OARD1: variants seen among roughly 807,000 people sequenced by gnomAD.
OARD1 encodes the protein O-acyl-ADP-ribose deacylase 1.
OARD1 carries 19 observed loss-of-function variants against 19.7 expected under a neutral mutation model. The ratio of observed to expected loss-of-function variants is 0.96; its 90% CI spans 0.67 to 1.41. The LOEUF (loss-of-function observed/expected upper bound fraction) is 1.41. Ranked by LOEUF, OARD1 falls within the 40% of genes most tolerant of loss-of-function variation. The probability of loss-of-function intolerance (pLI) is 0.00; values close to 1 mark genes in which losing one functional copy is unlikely to be tolerated. For missense variants in OARD1, 190 were observed against 183.8 expected, an observed-to-expected ratio of 1.03 and a Z score of -0.20; for synonymous variants, 70 against 61.8, an observed-to-expected ratio of 1.13 and a Z score of -0.62.
intron 1 of OARD1, chr6:41,097,396 A>C: frequency 1.2e-6 from 2 of 1,614,082 alleles, no homozygotes; most frequent in Admixed American, 1.7e-5. Flanking sequence ...GACACAGATC[A>C]TCCGAGTGTC....
At chr6:41,091,065 C>CA (rs1423942037) in intron 1 of OARD1, among the ~76,000 whole-genome samples, 1 of 152,214 alleles carries the variant, frequency 6.6e-6, no homozygotes, top group Non-Finnish European at 1.5e-5. Context: ...AACAAATCCT[C>CA]AAGTGCTGCT....
At chr6:41,076,970 T>C (rs1763749105), upstream of OARD1, among the ~76,000 whole-genome samples, 1 of 152,234 alleles carries the variant, frequency 6.6e-6, no homozygotes, top group Admixed American at 6.5e-5. Context: ...CTTCAAATCT[T>C]GATACTCTTC....
chr6:41,081,000 T>C, intron 1 of OARD1: 3 of 826,130 alleles, frequency 3.6e-6, no homozygotes, highest in Non-Finnish European at 4.0e-6. Context: ...GCAAAGTCAG[T>C]TGCATGTCTT....
intron 1 of OARD1, chr6:41,097,507 C>A: frequency 7.8e-7 from 1 of 1,281,840 alleles, no homozygotes; most frequent in Non-Finnish European, 1.1e-6. Flanking sequence ...TCACATTCTG[C>A]CCTTTACTAC....
At chr6:41,078,503 TG>T (rs1452984811) in intron 1 of OARD1, among the ~76,000 whole-genome samples, 1 of 152,226 alleles carries the variant, frequency 6.6e-6, no homozygotes, top group East Asian at 1.9e-4. Context: ...AATTTTTTAA[TG>T]AAGTCTTTAT....
rs1368478652 is a variant in OARD1, at chr6:41,066,832, A to G, written c.*503T>C. On this transcript the variant is annotated 3_prime_UTR_variant, in exon 6 of 6. Coordinates refer to ENST00000424266, the MANE Select transcript of OARD1 (RefSeq NM_001329686.2). ...TTATTTTTCCATTTTTATCACCACA[A>G]ATTTCTTGGTAACAATGTAGAATTT... 6.6e-6 allele frequency: 1 copy of G among 152,346 alleles called. No individual in the cohort carries two copies. The highest frequency in any genetic ancestry group is 1.5e-5 in the Non-Finnish European group (1 of 68,094). 9.4% of individuals were successfully genotyped at this position (152,346 alleles called of 1,614,324 possible).
At chr6:41,095,498 T>C (rs1387928668) in intron 1 of OARD1, among the ~76,000 whole-genome samples, 1 of 152,190 alleles carries the variant, frequency 6.6e-6, no homozygotes, top group Non-Finnish European at 1.5e-5. Context: ...GTGGTGTGAT[T>C]ATGGCTCACT....
intron 1 of OARD1, chr6:41,071,882 T>C (rs1763432785): frequency 6.0e-6 from 3 of 500,668 alleles, no homozygotes; most frequent in Non-Finnish European, 1.1e-5. Context: ...CCCGCTCTCA[T>C]TTCGTGCTTT....
At chr6:41,090,692 A>C (rs576675608) in intron 1 of OARD1, among the ~76,000 whole-genome samples, 2 of 152,354 alleles carry the variant, frequency 1.3e-5, no homozygotes, top group Admixed American at 1.3e-4. Flanking sequence ...TTAAATGACT[A>C]TTATGTATAC....
intron 1 of OARD1, chr6:41,097,505 T>C: frequency 7.6e-7 from 1 of 1,315,858 alleles, no homozygotes; most frequent in Non-Finnish European, 1.1e-6. Context: ...GATCACATTC[T>C]GCCCTTTACT....
chr6:41,078,666 A>C lies in OARD1; in HGVS notation c.-41-6991T>G, dbSNP rs186661896. 3.9e-3 allele frequency among the ~76,000 whole-genome samples: 590 copies of C among 152,340 alleles called. 11 individuals are homozygous for C. In the South Asian group the frequency reaches 0.061, roughly 16 times the overall value. On this transcript the variant is annotated intron_variant, in intron 1 of 4. Transcript: ENST00000480585. ...GTTTGGTGGGAAGCAATTACGTGTTACAACTTAAAGAAGCTTTATTCTCTA... is the reference window on the plus strand; with the variant it reads ...GTTTGGTGGGAAGCAATTACGTGTTCCAACTTAAAGAAGCTTTATTCTCTA...
chr6:41,091,012 C>G (rs971089645), intron 1 of OARD1, among the ~76,000 whole-genome samples: 1 of 152,208 alleles, frequency 6.6e-6, no homozygotes. Flanking sequence ...CAGGGAGGCC[C>G]TGAACTGGAT....
rs1347198893 is a variant in OARD1 at position 41,071,425 on chromosome 6, AAAAGG to A, written c.40-154_40-150del. On this transcript the variant is annotated intron_variant, in intron 2 of 5. Coordinates refer to ENST00000424266, the MANE Select transcript of OARD1 (RefSeq NM_001329686.2). ...AAGCCAAACCAATTACAGCATGTGT[AAAAGG>A]AAAGTAATGGATGATCCCTGCCTAG... 15 of 989,768 alleles carry A rather than the reference AAAAGG, an allele frequency of 1.5e-5. No individual in the cohort carries two copies. In the African/African-American group the frequency reaches 2.3e-4, roughly 15 times the overall value. The allele number at this position is 989,768 out of a possible 1,614,324, so 61.3% of individuals were successfully genotyped here.
chr6:41,071,694 A>T lies in OARD1; in HGVS notation c.-41-19T>A. On this transcript the variant is annotated intron_variant, in intron 1 of 5. Coordinates refer to ENST00000424266, the MANE Select transcript of OARD1 (RefSeq NM_001329686.2). ...TCTTCAGCTATGAGAAGGGAAAAGGAAGTAAAAATGCTTAGGCAGCCTTAG... is the reference window on the plus strand; with the variant it reads ...TCTTCAGCTATGAGAAGGGAAAAGGTAGTAAAAATGCTTAGGCAGCCTTAG... 1 of 1,435,772 alleles carries T rather than the reference A, an allele frequency of 7.0e-7. No homozygotes were observed. Among genetic ancestry groups the T allele is most frequent in the East Asian group, 2.3e-5 (1 of 44,052 alleles). 88.9% of individuals were successfully genotyped at this position (1,435,772 alleles called of 1,614,324 possible).
chr6:41,065,331 T>A lies in OARD1; in HGVS notation c.*2004A>T, dbSNP rs1373926286. On this transcript the variant is annotated 3_prime_UTR_variant, in exon 6 of 6. Coordinates refer to ENST00000424266, the MANE Select transcript of OARD1 (RefSeq NM_001329686.2). Reference sequence around the variant, plus strand: ...AATTTACAATGGTTTGTCTTGCAATTTTTGGACTTTACAACGGTGCAAAAG... The same window carrying A: ...AATTTACAATGGTTTGTCTTGCAATATTTGGACTTTACAACGGTGCAAAAG... The A allele has an allele frequency of 6.6e-6, 1 of 152,222 alleles. No individual in the cohort carries two copies. Among genetic ancestry groups the A allele is most frequent in the Non-Finnish European group, 1.5e-5 (1 of 68,046 alleles). 9.4% of individuals were successfully genotyped at this position (152,222 alleles called of 1,614,324 possible).
intron 1 of OARD1, among the ~76,000 whole-genome samples, chr6:41,088,269 A>G (rs1210904641): frequency 6.6e-6 from 1 of 151,646 alleles, no homozygotes; most frequent in African/African-American, 2.4e-5. Flanking sequence ...AGACAAAAAA[A>G]AAATTAAGCC....
chr6:41,091,644 G>A (rs1764198874), intron 1 of OARD1: 1 of 1,614,088 alleles, frequency 6.2e-7, no homozygotes. Context: ...GACTGTCACT[G>A]TGACACTACC....
In OARD1 at chr6:41,067,348, A is replaced by G. The variant is rs750970469; in HGVS notation, c.446T>C (p.Val149Ala). Reference protein sequence around the residue: ...VFEATDIKITVYTL With the variant: ...VFEATDIKITAYTL ...ATGTTCACTGGTTCAGAGTGTGTAC[A>G]CAGTAATTTTGATGTCTGTTGCCTC... Residue 149 changes from valine (V) to alanine (A), a missense_variant, in exon 6 of 6, where the codon GTG becomes GCG. Coordinates refer to ENST00000424266, the MANE Select transcript of OARD1 (RefSeq NM_001329686.2). 9.3e-6 allele frequency: 15 copies of G among 1,605,920 alleles called. No homozygotes were observed. The Admixed American group carries it at 2.3e-4, about 25-fold the overall frequency.
At chr6:41,083,907 C>T (rs1303402058) in intron 1 of OARD1, 1 of 771,096 alleles carries the variant, frequency 1.3e-6, no homozygotes, top group Non-Finnish European at 2.0e-6. Flanking sequence ...AACTTGAGGA[C>T]TTGAGACATA....
Sources: allele counts gnomAD v4.1 joint callset (sites outside exome capture counted in the v4.1 genomes callset), GRCh38; gene constraint gnomAD v4.1.1; transcripts MANE v1.5; gene names NCBI Gene and HGNC (gene_info 2026-07-23, HGNC 2026-07-21).